CLVS1: variants seen among roughly 807,000 people sequenced by gnomAD.
CLVS1 encodes clavesin 1.
CLVS1 carries 10 observed loss-of-function variants against 33.1 expected under a neutral mutation model. The observed-to-expected ratio is 0.30, with a 90% CI of 0.19 to 0.51. CLVS1 has a LOEUF of 0.51. CLVS1 is among the 20% of genes least tolerant of loss of function. The probability of loss-of-function intolerance (pLI) is 0.97; values close to 1 mark genes in which losing one functional copy is unlikely to be tolerated. For synonymous variants in CLVS1, 163 were observed against 166.1 expected (o/e 0.98, Z 0.14); for missense variants, 343 against 433.4 (o/e 0.79, Z 1.85).
intron 3 of CLVS1, among the ~76,000 whole-genome samples, chr8:61,451,005 T>G (rs1361913385): frequency 6.6e-6 from 1 of 152,156 alleles, no homozygotes; most frequent in Non-Finnish European, 1.5e-5. Flanking sequence ...CTGGGCTATG[T>G]CAAGCAGCAC....
chr8:61,103,269 A>C (rs929794399), intron 1 of CLVS1, among the ~76,000 whole-genome samples: 4 of 152,220 alleles, frequency 2.6e-5, no homozygotes, highest in Non-Finnish European at 5.9e-5. Flanking sequence ...ATAGCAGTGA[A>C]AAGGCAACCA....
At chr8:61,321,075 A>G (rs1191008540) in intron 2 of CLVS1, among the ~76,000 whole-genome samples, 1 of 151,980 alleles carries the variant, frequency 6.6e-6, no homozygotes, top group Non-Finnish European at 1.5e-5. Flanking sequence ...CAACTTATTC[A>G]TTTTTCTGCT....
chr8:61,256,387 C>T (rs973472859), intron 2 of CLVS1, among the ~76,000 whole-genome samples: 2 of 152,160 alleles, frequency 1.3e-5, no homozygotes, highest in Non-Finnish European at 2.9e-5. Context: ...GTGGCAGACA[C>T]CTGTAGTCCC....
chr8:61,324,486 A>T (rs1294478115), intron 2 of CLVS1, among the ~76,000 whole-genome samples: 1 of 152,150 alleles, frequency 6.6e-6, no homozygotes, highest in Non-Finnish European at 1.5e-5. Context: ...CTTTATCAGC[A>T]GCATGAAAAT....
chr8:61,092,510 T>C (rs566498789), intron 1 of CLVS1, among the ~76,000 whole-genome samples: 7 of 152,366 alleles, frequency 4.6e-5, no homozygotes, highest in African/African-American at 1.7e-4. Context: ...TGGGTCTCCC[T>C]GGGCTAAAAT....
intron 5 of CLVS1, among the ~76,000 whole-genome samples, chr8:61,460,300 T>C (rs1051125191): frequency 2.0e-5 from 3 of 152,312 alleles, no homozygotes; most frequent in South Asian, 4.1e-4. Flanking sequence ...ATTAAGTATA[T>C]ATACAAACAC....
intron 2 of CLVS1, among the ~76,000 whole-genome samples, chr8:61,242,153 G>C (rs757998397): frequency 1.3e-5 from 2 of 151,708 alleles, no homozygotes; most frequent in Non-Finnish European, 2.9e-5. Context: ...TCTTGTCTAA[G>C]GCTTGCTGAG....
intron 1 of CLVS1, among the ~76,000 whole-genome samples, chr8:61,071,892 G>T (rs1804802873): frequency 6.6e-6 from 1 of 152,152 alleles, no homozygotes; most frequent in African/African-American, 2.4e-5. Flanking sequence ...GGTTTCTGTT[G>T]TCAGTGCTTT....
intron 2 of CLVS1, among the ~76,000 whole-genome samples, chr8:61,136,713 A>T (rs1806197070): frequency 6.6e-6 from 1 of 152,182 alleles, no homozygotes; most frequent in Non-Finnish European, 1.5e-5. Flanking sequence ...GAGGGAGAGG[A>T]TCAGGAAAAG....
chr8:61,231,066 A>G (rs1185102061), intron 2 of CLVS1, among the ~76,000 whole-genome samples: 2 of 152,164 alleles, frequency 1.3e-5, no homozygotes, highest in African/African-American at 4.8e-5. Context: ...AGAGGCATAC[A>G]AATCTTTAGT....
intron 1 of CLVS1, among the ~76,000 whole-genome samples, chr8:61,099,989 T>C (rs1805420366): frequency 6.6e-6 from 1 of 152,158 alleles, no homozygotes; most frequent in African/African-American, 2.4e-5. Context: ...ATTAGAATGC[T>C]AGAATTAGGG....
the CLVS1 span, among the ~76,000 whole-genome samples, chr8:61,017,435 G>A: frequency 6.6e-6 from 1 of 152,178 alleles, no homozygotes; most frequent in Non-Finnish European, 1.5e-5. Flanking sequence ...TCTGCTATAC[G>A]CCATTTCCCT....
At chr8:61,033,953 G>A in the CLVS1 span, among the ~76,000 whole-genome samples, 1 of 152,212 alleles carries the variant, frequency 6.6e-6, no homozygotes, top group African/African-American at 2.4e-5. Flanking sequence ...ATGACATTGA[G>A]AAAAGTCCTT....
chr8:61,470,831 T>C (rs1169537206), intron 5 of CLVS1, among the ~76,000 whole-genome samples: 2 of 152,240 alleles, frequency 1.3e-5, no homozygotes, highest in Non-Finnish European at 2.9e-5. Flanking sequence ...CTTAAGATGT[T>C]CAAATGGTGG....
chr8:61,246,651 A>G (rs1427582874), intron 2 of CLVS1, among the ~76,000 whole-genome samples: 1 of 152,136 alleles, frequency 6.6e-6, no homozygotes, highest in African/African-American at 2.4e-5. Flanking sequence ...TTATAGTAGA[A>G]CAATGGCTCT....
chr8:61,501,116 G>GACAT lies in CLVS1; in HGVS notation c.*1577_*1580dup, dbSNP rs1279799064. On this transcript the variant is annotated 3_prime_UTR_variant, in exon 6 of 6. Transcript: ENST00000325897. ...AATTAAACTAATTCATTTTTGTGTA[G>GACAT]ACATACGAAATCACAAAAATAATAA... 6.6e-6 allele frequency: 1 copy of GACAT among 151,964 alleles called. No homozygotes were observed. Among genetic ancestry groups the GACAT allele is most frequent in the Non-Finnish European group, 1.5e-5 (1 of 68,000 alleles). The allele number at this position is 151,964 out of a possible 1,614,324, so 9.4% of individuals were successfully genotyped here.
chr8:61,435,500 T>A (rs1363712453), intron 3 of CLVS1, among the ~76,000 whole-genome samples: 1 of 152,046 alleles, frequency 6.6e-6, no homozygotes, highest in South Asian at 2.1e-4. Flanking sequence ...GAACTTCTAT[T>A]ACAAGGTAGG....
intron 5 of CLVS1, among the ~76,000 whole-genome samples, chr8:61,494,748 CTTTA>C (rs1158806855): frequency 6.6e-6 from 1 of 152,150 alleles, no homozygotes; most frequent in Non-Finnish European, 1.5e-5. Context: ...TATCTCTTGG[CTTTA>C]TTTCTTTTTT....
chr8:61,270,814 A>G (rs1809420740), intron 2 of CLVS1, among the ~76,000 whole-genome samples: 1 of 152,130 alleles, frequency 6.6e-6, no homozygotes, highest in Non-Finnish European at 1.5e-5. Context: ...AGATGTTTGT[A>G]GTATTCTCTG....
Sources: allele counts gnomAD v4.1 joint callset (sites outside exome capture counted in the v4.1 genomes callset), GRCh38; gene constraint gnomAD v4.1.1; transcripts MANE v1.5; gene names NCBI Gene and HGNC (gene_info 2026-07-23, HGNC 2026-07-21).